The following AP3B2 variants were observed in gnomAD, a reference collection of about 807,000 sequenced individuals.
AP3B2 encodes adaptor related protein complex 3 subunit beta 2.
Under a neutral mutation model 126.9 loss-of-function variants are expected in AP3B2, and 50 were observed. That is an observed-to-expected ratio of 0.39 (90% CI 0.31 to 0.50). The LOEUF (loss-of-function observed/expected upper bound fraction) is 0.50, where lower values mean the gene tolerates loss of function less well. AP3B2 is among the 20% of genes least tolerant of loss of function. The pLI is 0.79. For missense variants in AP3B2, 1,177 were observed against 1,426.4 expected, an observed-to-expected ratio of 0.83 and a Z score of 2.82; for synonymous variants, 541 against 565.0, an observed-to-expected ratio of 0.96 and a Z score of 0.60.
chr15:82,696,533 G>A (rs905535254), intron 1 of AP3B2, among the ~76,000 whole-genome samples: 12 of 152,154 alleles, frequency 7.9e-5, no homozygotes, highest in African/African-American at 1.4e-4. Flanking sequence ...AGCCGAGATC[G>A]CGCCACTGCA....
At chr15:82,700,588 G>A (rs147244632) in intron 1 of AP3B2, among the ~76,000 whole-genome samples, 3,087 of 151,090 alleles carry the variant, frequency 0.02, 106 homozygotes, top group African/African-American at 0.071. Flanking sequence ...TAGTAGAGAC[G>A]GGGTTTCTCC....
At chr15:82,688,508 G>C (rs1401647926) in intron 4 of AP3B2, 3 of 702,622 alleles carry the variant, frequency 4.3e-6, no homozygotes, top group Non-Finnish European at 5.2e-6. Flanking sequence ...CCTGGGAAGA[G>C]AGACAGGGGC....
chr15:82,679,666 ATT>A, intron 10 of AP3B2, 61 bp downstream of exon 10: 1 of 1,349,198 alleles, frequency 7.4e-7, no homozygotes, highest in Non-Finnish European at 1.0e-6. Context: ...ACTGTGAGTT[ATT>A]TGAGTGGGTA....
In AP3B2 at chr15:82,665,888, G is replaced by C. The variant is rs1046583576; in HGVS notation, c.1853-313C>G. Among the ~76,000 whole-genome samples the C allele has an allele frequency of 1.3e-5, 2 of 152,208 alleles. No individual in the cohort carries two copies. The highest frequency in any genetic ancestry group is 2.9e-5 in the Non-Finnish European group (2 of 68,038). ...TCTGCTCAGCATGCACGTCTAGTCA[G>C]GCTCTGGACTCAGCAGGGAGGGATG... is the stretch of plus-strand genomic sequence containing the variant. On this transcript the variant is annotated intron_variant, in intron 15 of 26. Coordinates refer to ENST00000535359, the MANE Select transcript of AP3B2 (RefSeq NM_001278512.2). This position sits in a 1 kb window ranked among gnomAD's most constrained non-coding sequence, Gnocchi z 4.4.
At chr15:82,675,928 C>T (rs1189127964) in intron 14 of AP3B2, among the ~76,000 whole-genome samples, 1 of 152,148 alleles carries the variant, frequency 6.6e-6, no homozygotes, top group East Asian at 1.9e-4. Context: ...AGGCTCTGAA[C>T]ACCCTGATAC....
At chr15:82,696,534 C>T (rs755436030) in intron 1 of AP3B2, among the ~76,000 whole-genome samples, 12 of 152,104 alleles carry the variant, frequency 7.9e-5, no homozygotes, top group East Asian at 1.9e-4. Flanking sequence ...GCCGAGATCG[C>T]GCCACTGCAC....
rs2048332918 is a variant in AP3B2, at chr15:82,681,106, A to G, written c.588+6T>C. ...CACCCCTCCCGGAGCGCCCCTATAC[A>G]CGCACCGTGGTCTTGTCAGCCAGAA... On this transcript the variant is annotated splice_donor_region_variant and intron_variant, in intron 6 of 26. Transcript: ENST00000535359. The surrounding 1 kb of genome is among the most constrained non-coding windows in gnomAD (Gnocchi z 4.0). 1 of 1,613,526 alleles carries G rather than the reference A, an allele frequency of 6.2e-7. No individual in the cohort carries two copies. Among genetic ancestry groups the G allele is most frequent in the East Asian group, 2.2e-5 (1 of 44,860 alleles).
At chr15:82,690,100 AG>A (rs1418024689) in intron 1 of AP3B2, among the ~76,000 whole-genome samples, 1 of 152,178 alleles carries the variant, frequency 6.6e-6, no homozygotes, top group Non-Finnish European at 1.5e-5. Context: ...AGAAGCTAGA[AG>A]GGGCAAAGAA....
chr15:82,709,762 G>T lies in AP3B2; in HGVS notation c.-56C>A. ...AGGTTGCGGGGCCGGAGGCCGGCTG[G>T]AGCGGAGGAAGGGAAGGCGGGCCGG... On this transcript the variant is annotated 5_prime_UTR_variant, in exon 1 of 27. Transcript: ENST00000535359. 7.2e-7 allele frequency: 1 copy of T among 1,381,290 alleles called. No homozygotes were observed. 85.6% of individuals were successfully genotyped at this position (1,381,290 alleles called of 1,614,324 possible). A position where few individuals can be genotyped will look rare whatever the true frequency, so the allele number is the denominator to read the frequency against.
In AP3B2 at chr15:82,663,559, C is replaced by T; in HGVS notation, c.2497+1G>A. 1 of 1,613,752 alleles carries T rather than the reference C, an allele frequency of 6.2e-7. No individual in the cohort carries two copies. The highest frequency in any genetic ancestry group is 8.5e-7 in the Non-Finnish European group (1 of 1,179,760). The stretch of plus-strand genomic sequence containing the variant: ...CTGTGACTTTTACCACCCAAACTCA[C>T]AATCCTCTAGATCAAGCAGGGAGAT... On this transcript the variant is annotated splice_donor_variant, in intron 21 of 26. Transcript: ENST00000535359. LOFTEE classifies it high-confidence loss of function.
Position 82,663,959 on chromosome 15 carries a change from C to A in AP3B2, c.2278G>T (p.Asp760Tyr), listed in dbSNP as rs555152768. ...RGSESEQSEE[D>Y]GKRKTKKKVP... ...TTCTTCTTTGTCTTCCTCTTACCATCCTCCTCACTCTGTTCACTGAAGGAG... is the reference window on the plus strand; with the variant it reads ...TTCTTCTTTGTCTTCCTCTTACCATACTCCTCACTCTGTTCACTGAAGGAG... Residue 760 changes from aspartate (D) to tyrosine (Y), a missense_variant, in exon 20 of 27, where the codon GAT (aspartate) becomes TAT (tyrosine). This residue lies in a region of AP3B2 where 587 missense variants were observed against 571.3 expected (regional missense o/e 1.03). Coordinates refer to ENST00000535359, the MANE Select transcript of AP3B2 (RefSeq NM_001278512.2). 6.2e-7 allele frequency: 1 copy of A among 1,604,796 alleles called. No homozygotes were observed. The highest frequency in any genetic ancestry group is 2.2e-5 in the East Asian group (1 of 44,874).
chr15:82,694,668 G>A (rs1028893824), intron 1 of AP3B2, among the ~76,000 whole-genome samples: 7 of 150,256 alleles, frequency 4.7e-5, no homozygotes, highest in Non-Finnish European at 8.9e-5. Context: ...CTAGGCAACA[G>A]AGCAAGAACC....
rs557941104 is a variant in AP3B2 at position 82,673,134 on chromosome 15, T to G, written c.1665+3327A>C. 1.6e-3 allele frequency among the ~76,000 whole-genome samples: 251 copies of G among 152,366 alleles called. 1 individual carries two copies. The highest frequency in any genetic ancestry group is 5.9e-3 in the African/African-American group (246 of 41,590). On this transcript the variant is annotated intron_variant, in intron 14 of 26. Transcript: ENST00000535359. Reference sequence around the variant, plus strand: ...GTGTTGTTTGAAGCCACCAAATTTATAGTAATTTATTATGTAGCAGAAAAC... The same window carrying G: ...GTGTTGTTTGAAGCCACCAAATTTAGAGTAATTTATTATGTAGCAGAAAAC...
chr15:82,707,768 C>G (rs2048819240), intron 1 of AP3B2, among the ~76,000 whole-genome samples: 1 of 152,186 alleles, frequency 6.6e-6, no homozygotes, highest in South Asian at 2.1e-4. Context: ...AAAACCGTAT[C>G]CAGGCCATCA....
chr15:82,662,620 G>C (rs2047971948), intron 23 of AP3B2, 74 bp downstream of exon 23: 1 of 1,399,960 alleles, frequency 7.1e-7, no homozygotes. Flanking sequence ...GGCACAAGGA[G>C]GGTATCAGCA....
At chr15:82,709,536 C>T (rs1006595668) in intron 1 of AP3B2, 58 bp downstream of exon 1, 5 of 1,296,642 alleles carry the variant, frequency 3.9e-6, no homozygotes, top group Non-Finnish European at 5.0e-6. Flanking sequence ...GGTGCCCGCG[C>T]GCCTCGCCCG....
rs61213011 is a variant in AP3B2, at chr15:82,683,047, G to GTTTTTTTTTTTTTTTTTTTTTTTT, written c.361-1491_361-1468dup. ...AATGTTCACAGCATCTGCACCAGGA[G>GTTTTTTTTTTTTTTTTTTTTTTTT]TTTTTTTTTTTTTTTTTTTTTTTTT... On this transcript the variant is annotated intron_variant, in intron 4 of 26. Transcript: ENST00000535359. Among the ~76,000 whole-genome samples, 5 of 77,718 alleles carry GTTTTTTTTTTTTTTTTTTTTTTTT rather than the reference G, an allele frequency of 6.4e-5. 1 individual carries two copies. The highest frequency in any genetic ancestry group is 1.3e-4 in the Non-Finnish European group (5 of 39,604). 51.0% of individuals were successfully genotyped at this position (77,718 alleles called of 152,430 possible). A position where few individuals can be genotyped will look rare whatever the true frequency, so the allele number is the denominator to read the frequency against.
intron 1 of AP3B2, among the ~76,000 whole-genome samples, chr15:82,704,709 C>T (rs538527237): frequency 2.0e-4 from 30 of 152,364 alleles, no homozygotes; most frequent in Middle Eastern, 3.4e-3. Context: ...CAAATCTTCT[C>T]GGCTTAGCAG....
chr15:82,668,453 G>A (rs976037770), intron 14 of AP3B2, among the ~76,000 whole-genome samples: 3 of 152,190 alleles, frequency 2.0e-5, no homozygotes, highest in Non-Finnish European at 4.4e-5. Flanking sequence ...ATTATCAAGA[G>A]GCTGCTGATC....
Sources: gnomAD v4.1 joint callset for allele counts (sites outside exome capture counted in the v4.1 genomes callset) on GRCh38, gnomAD v4.1.1 for gene constraint, gnomAD v4.1.1 regional missense constraint, Gnocchi (gnomAD v3.1) non-coding constraint, MANE v1.5 for transcripts, NCBI Gene and HGNC (gene_info 2026-07-23, HGNC 2026-07-21) for gene names.